SAMMSON: variants seen among roughly 807,000 people sequenced by gnomAD.
SAMMSON encodes the protein long intergenic non-protein coding RNA 1212.
intron 2 of SAMMSON, among the ~76,000 whole-genome samples, chr3:70,413,239 T>C (rs1233370676): frequency 2.0e-5 from 3 of 152,266 alleles, no homozygotes; most frequent in South Asian, 2.1e-4. Context: ...TCTTTAGTAA[T>C]CTGCTCCAGT....
chr3:70,227,617 T>G (rs1035247062), intron 4 of SAMMSON, among the ~76,000 whole-genome samples: 7 of 152,216 alleles, frequency 4.6e-5, no homozygotes, highest in Non-Finnish European at 1.0e-4. Flanking sequence ...ATTAGGTTTT[T>G]GCCATTGAAA....
At chr3:70,097,988 G>C (rs1266228085) in intron 4 of SAMMSON, among the ~76,000 whole-genome samples, 1 of 152,156 alleles carries the variant, frequency 6.6e-6, no homozygotes, top group Non-Finnish European at 1.5e-5. Flanking sequence ...AGGGAGCAAG[G>C]GGTTGAAAGG....
chr3:70,066,289 G>A (rs763712385), intron 3 of SAMMSON, among the ~76,000 whole-genome samples: 1 of 152,024 alleles, frequency 6.6e-6, no homozygotes, highest in Non-Finnish European at 1.5e-5. Context: ...ATGACATTCT[G>A]TTCAGTTTAT....
intron 7 of SAMMSON, among the ~76,000 whole-genome samples, chr3:70,352,886 T>C (rs1328622842): frequency 2.0e-5 from 3 of 152,058 alleles, no homozygotes; most frequent in Non-Finnish European, 4.4e-5. Flanking sequence ...GAGGAATACA[T>C]AGATTAATGA....
chr3:70,051,513 A>C (rs2067146116), intron 3 of SAMMSON, among the ~76,000 whole-genome samples: 1 of 150,386 alleles, frequency 6.6e-6, no homozygotes, highest in Non-Finnish European at 1.5e-5. Context: ...AATAAATTAT[A>C]AACATCCATA....
intron 4 of SAMMSON, among the ~76,000 whole-genome samples, chr3:70,153,336 C>G (rs2106688450): frequency 6.6e-6 from 1 of 152,036 alleles, no homozygotes; most frequent in South Asian, 2.1e-4. Context: ...AGAAACTTTA[C>G]AATGTCAGTG....
chr3:70,382,613 T>G (rs78044102), intron 9 of SAMMSON, among the ~76,000 whole-genome samples: 3 of 152,222 alleles, frequency 2.0e-5, no homozygotes, highest in African/African-American at 7.2e-5. Context: ...AATGTTTGTA[T>G]TTTTTTCAAG....
intron 4 of SAMMSON, among the ~76,000 whole-genome samples, chr3:70,116,292 CTT>C (rs57252778): frequency 6.8e-5 from 8 of 118,206 alleles, no homozygotes; most frequent in African/African-American, 1.3e-4. Context: ...GCGATGCTTT[CTT>C]TTTTTTTTTT....
rs969138785 is a variant in SAMMSON at position 70,126,445 on chromosome 3, A to G, written n.507+54880A>G. The G allele has an allele frequency of 4.3e-6, 3 of 689,850 alleles. No individual in the cohort carries two copies. In the African/African-American group the frequency reaches 5.4e-5, roughly 12 times the overall value. The allele number at this position is 689,850 out of a possible 1,614,324, so 42.7% of individuals were successfully genotyped here. On this transcript the variant is annotated intron_variant and non_coding_transcript_variant, in intron 4 of 9. Coordinates refer to ENST00000642114, the Ensembl canonical transcript of SAMMSON. ...TCAGCTGCCCCTTATCTGACAGGTC[A>G]TGCACCAACCGTGCCTTGAAGTACT...
chr3:70,395,331 C>CTTTTTTTTTTTTTTTTTT (rs71126501), intron 2 of SAMMSON, among the ~76,000 whole-genome samples: 7 of 113,618 alleles, frequency 6.2e-5, no homozygotes, highest in East Asian at 3.0e-4. Flanking sequence ...CTCTCTCTCT[C>CTTTTTTTTTTTTTTTTTT]TTTTTTTTTT....
intron 7 of SAMMSON, among the ~76,000 whole-genome samples, chr3:70,292,774 A>G (rs1310916945): frequency 2.0e-5 from 3 of 152,048 alleles, no homozygotes; most frequent in Non-Finnish European, 2.9e-5. Context: ...AAAGAAAAGA[A>G]TTATTTTCTT....
At chr3:70,037,853 A>G (rs1225472643) in intron 3 of SAMMSON, among the ~76,000 whole-genome samples, 1 of 152,164 alleles carries the variant, frequency 6.6e-6, no homozygotes, top group Non-Finnish European at 1.5e-5. Context: ...TCTTACGTGG[A>G]GAGAGGAATT....
At chr3:70,020,795 C>G (rs989885831) in intron 3 of SAMMSON, among the ~76,000 whole-genome samples, 1 of 152,094 alleles carries the variant, frequency 6.6e-6, no homozygotes, top group Non-Finnish European at 1.5e-5. Context: ...AAAGTAAGCC[C>G]TTTATGGACA....
At chr3:70,111,282 C>A (rs1237825510) in intron 4 of SAMMSON, among the ~76,000 whole-genome samples, 1 of 152,018 alleles carries the variant, frequency 6.6e-6, no homozygotes, top group African/African-American at 2.4e-5. Flanking sequence ...TTTTTAAAAC[C>A]AATTCGTTGT....
chr3:70,303,633 T>C (rs983568050), intron 7 of SAMMSON, among the ~76,000 whole-genome samples: 11 of 152,180 alleles, frequency 7.2e-5, no homozygotes, highest in Admixed American at 7.2e-4. Flanking sequence ...AGCTCCCTTT[T>C]AATATTGCTG....
chr3:70,267,675 C>CA (rs1374595151), intron 6 of SAMMSON, among the ~76,000 whole-genome samples: 2 of 151,488 alleles, frequency 1.3e-5, no homozygotes, highest in Non-Finnish European at 2.9e-5. Context: ...CTCGGCCTCC[C>CA]AGAGTGCTGG....
chr3:70,278,084 TCTCATCATTTCCCCCGC>T (rs1702044965), intron 6 of SAMMSON, among the ~76,000 whole-genome samples: 1 of 152,108 alleles, frequency 6.6e-6, no homozygotes, highest in Non-Finnish European at 1.5e-5. Flanking sequence ...CATAGACAGC[TCTCATCATTTCCCCCGC>T]CTCCCAGTCA....
chr3:70,427,515 G>C (rs147918894), intron 2 of SAMMSON, among the ~76,000 whole-genome samples: 1 of 152,032 alleles, frequency 6.6e-6, no homozygotes, highest in Non-Finnish European at 1.5e-5. Context: ...TGAGATGGGC[G>C]GATCACGAGG....
intron 1 of SAMMSON, among the ~76,000 whole-genome samples, chr3:70,004,689 A>G (rs1040778755): frequency 1.3e-5 from 2 of 152,246 alleles, no homozygotes; most frequent in Non-Finnish European, 2.9e-5. Flanking sequence ...ACAAAATACA[A>G]TGCAACATAA....
Sources: gnomAD v4.1 joint callset for allele counts (sites outside exome capture counted in the v4.1 genomes callset) on GRCh38, gnomAD v4.1.1 for gene constraint, MANE v1.5 for transcripts, NCBI Gene and HGNC (gene_info 2026-07-23, HGNC 2026-07-21) for gene names.